Variants in TBC1D5 observed in about 807,000 individuals in gnomAD.
TBC1D5 encodes TBC1 domain family, member 5.
TBC1D5 carries 75 observed loss-of-function variants against 100.3 expected under a neutral mutation model. The observed-to-expected ratio is 0.75, with a 90% CI of 0.62 to 0.91. TBC1D5 has a LOEUF of 0.91. Ranked by LOEUF, TBC1D5 falls within the 40% of genes least tolerant of loss-of-function variation. The pLI, the probability that TBC1D5 is intolerant of heterozygous loss-of-function variation, is 0.00. For missense variants in TBC1D5, 910 were observed against 942.4 expected (o/e 0.97, Z 0.45); for synonymous variants, 323 against 325.6 (o/e 0.99, Z 0.09).
chr3:17,475,859 CAACTTT>C (rs2095432179), intron 3 of TBC1D5, among the ~76,000 whole-genome samples: 1 of 151,972 alleles, frequency 6.6e-6, no homozygotes, highest in Non-Finnish European at 1.5e-5. Flanking sequence ...ATGTTTGAAC[CAACTTT>C]AACTCCTATC....
exon 22 of TBC1D5, chr3:17,158,798 G>A (rs137914598): frequency 1.5e-4 from 23 of 152,334 alleles, no homozygotes; most frequent in African/African-American, 5.3e-4. Context: ...CATGACTCTA[G>A]CTCTAGGGCA....
intron 2 of TBC1D5, among the ~76,000 whole-genome samples, chr3:17,601,826 T>A (rs570075653): frequency 3.7e-4 from 56 of 151,904 alleles, no homozygotes; most frequent in African/African-American, 1.3e-3. Flanking sequence ...AATAAGTGGG[T>A]TTTTTTTATT....
chr3:17,727,178 C>T (rs563001982), intron 1 of TBC1D5, among the ~76,000 whole-genome samples: 3 of 152,132 alleles, frequency 2.0e-5, no homozygotes, highest in East Asian at 1.9e-4. Context: ...GTCAGGAGTT[C>T]GAGACCAGCC....
chr3:17,245,395 A>C (rs550044826), intron 16 of TBC1D5, among the ~76,000 whole-genome samples: 12 of 152,188 alleles, frequency 7.9e-5, no homozygotes, highest in Admixed American at 3.3e-4. Context: ...TAGATTCTTA[A>C]AGATCTTTAT....
chr3:17,419,945 G>T (rs150331735), intron 4 of TBC1D5, among the ~76,000 whole-genome samples: 5 of 151,982 alleles, frequency 3.3e-5, no homozygotes, highest in Non-Finnish European at 5.9e-5. Context: ...TGATCCTCCC[G>T]CCTCAGCCTG....
intron 17 of TBC1D5, among the ~76,000 whole-genome samples, chr3:17,234,949 G>C (rs1406901554): frequency 6.6e-6 from 1 of 152,040 alleles, no homozygotes; most frequent in Admixed American, 6.6e-5. Context: ...CCACAAACAA[G>C]TGATAAACAG....
chr3:17,170,632 C>T (rs897452578), intron 19 of TBC1D5, among the ~76,000 whole-genome samples: 6 of 152,214 alleles, frequency 3.9e-5, no homozygotes, highest in South Asian at 2.1e-4. Flanking sequence ...CAAGGACCAA[C>T]GGCCTTTAGG....
At chr3:17,610,599 G>A (rs1176084919) in intron 2 of TBC1D5, among the ~76,000 whole-genome samples, 1 of 152,180 alleles carries the variant, frequency 6.6e-6, no homozygotes, top group Non-Finnish European at 1.5e-5. Flanking sequence ...TCTTTAACAA[G>A]ATAGTTTAAG....
At chr3:17,377,446 T>C (rs2092754038) in intron 9 of TBC1D5, among the ~76,000 whole-genome samples, 1 of 152,082 alleles carries the variant, frequency 6.6e-6, no homozygotes. Context: ...CCCTTAAGCA[T>C]CGAAAAACAT....
chr3:17,695,389 G>A (rs1455881158), intron 1 of TBC1D5, among the ~76,000 whole-genome samples: 2 of 152,090 alleles, frequency 1.3e-5, no homozygotes, highest in South Asian at 2.1e-4. Flanking sequence ...TAAAAATAAA[G>A]GGATGGAGGA....
At chr3:17,475,818 A>C (rs2095431446) in intron 3 of TBC1D5, among the ~76,000 whole-genome samples, 2 of 152,100 alleles carry the variant, frequency 1.3e-5, no homozygotes, top group South Asian at 4.1e-4. Flanking sequence ...GGTCATATTC[A>C]ATTTTCTTGT....
At chr3:17,477,473 T>C (rs967381911) in intron 3 of TBC1D5, among the ~76,000 whole-genome samples, 1 of 151,968 alleles carries the variant, frequency 6.6e-6, no homozygotes, top group Non-Finnish European at 1.5e-5. Flanking sequence ...GTCCCCAAAT[T>C]GGGATTGGTG....
chr3:17,441,134 C>T (rs969306390), intron 3 of TBC1D5, among the ~76,000 whole-genome samples: 2 of 152,114 alleles, frequency 1.3e-5, no homozygotes, highest in African/African-American at 4.8e-5. Flanking sequence ...TGGAAATTTA[C>T]CATTCTGTCA....
chr3:17,689,679 T>C (rs1333911411), intron 1 of TBC1D5, among the ~76,000 whole-genome samples: 1 of 152,218 alleles, frequency 6.6e-6, no homozygotes, highest in East Asian at 1.9e-4. Context: ...GAAATGCCTC[T>C]GTGTCTCAGA....
chr3:17,482,362 G>C (rs2095511807), intron 3 of TBC1D5, among the ~76,000 whole-genome samples: 1 of 152,158 alleles, frequency 6.6e-6, no homozygotes, highest in Admixed American at 6.5e-5. Context: ...CAAAGAAATA[G>C]GGAGAAATTA....
chr3:17,229,455 C>T (rs1364263410), intron 17 of TBC1D5, among the ~76,000 whole-genome samples: 1 of 152,150 alleles, frequency 6.6e-6, no homozygotes, highest in Non-Finnish European at 1.5e-5. Flanking sequence ...TGCATGCAAA[C>T]ATGTGTCTTT....
At chr3:17,740,886 C>A (rs1360819927) in exon 1 of TBC1D5, 3 of 152,156 alleles carry the variant, frequency 2.0e-5, no homozygotes, top group Non-Finnish European at 4.4e-5. Context: ...ATGGAAAATT[C>A]ACAGACCAGG....
intron 1 of TBC1D5, among the ~76,000 whole-genome samples, chr3:17,648,937 A>G (rs2065270832): frequency 6.6e-6 from 1 of 152,180 alleles, no homozygotes; most frequent in Non-Finnish European, 1.5e-5. Flanking sequence ...CACAGAGGCA[A>G]AAGCAGAACT....
intron 1 of TBC1D5, among the ~76,000 whole-genome samples, chr3:17,648,935 C>T (rs55701200): frequency 0.52 from 78,455 of 151,966 alleles, 22,042 homozygotes; most frequent in East Asian, 0.98. Flanking sequence ...CTCACAGAGG[C>T]AAAAGCAGAA....
Sources: allele counts gnomAD v4.1 joint callset (sites outside exome capture counted in the v4.1 genomes callset), GRCh38; gene constraint gnomAD v4.1.1; transcripts MANE v1.5; gene names NCBI Gene and HGNC (gene_info 2026-07-23, HGNC 2026-07-21).